TSGA10: variants seen among roughly 807,000 people sequenced by gnomAD.
TSGA10 encodes the protein testis specific 10.
TSGA10 carries 43 observed loss-of-function variants against 96.6 expected under a neutral mutation model. The ratio of observed to expected loss-of-function variants is 0.44; its 90% CI spans 0.35 to 0.57. The LOEUF is 0.57. Among genes scored for constraint, TSGA10 ranks in the 20% least tolerant of loss-of-function variants. The probability of loss-of-function intolerance (pLI) is 0.01; values close to 1 mark genes in which losing one functional copy is unlikely to be tolerated. For synonymous variants in TSGA10, 229 were observed against 269.9 expected, an observed-to-expected ratio of 0.85 and a Z score of 1.48; for missense variants, 703 against 834.4, an observed-to-expected ratio of 0.84 and a Z score of 1.94.
Position 99,154,729 on chromosome 2 carries a change from C to T in TSGA10, c.-657G>A, listed in dbSNP as rs2093730754. On this transcript the variant is annotated 5_prime_UTR_variant, in exon 1 of 21. The change creates a new upstream start codon in the 5' untranslated region. Coordinates refer to ENST00000393483, the MANE Select transcript of TSGA10 (RefSeq NM_025244.4). The stretch of plus-strand genomic sequence containing the variant: ...GCTGGCCGTTATCTCTGTGCTGTCA[C>T]GCGGGGAAGTCCCATCTGAACTGGG... The T allele has an allele frequency of 4.0e-6, 1 of 251,420 alleles. No individual in the cohort carries two copies. 15.6% of individuals were successfully genotyped at this position (251,420 alleles called of 1,614,324 possible). A position where few individuals can be genotyped will look rare whatever the true frequency, so the allele number is the denominator to read the frequency against.
intron 20 of TSGA10, 113 bp from the exon 21 acceptor site, chr2:98,998,334 ATTTC>A: frequency 5.9e-6 from 5 of 847,838 alleles, no homozygotes; most frequent in Non-Finnish European, 9.2e-6. Flanking sequence ...ATTTTTCTTC[ATTTC>A]TATGAAGGAA....
intron 20 of TSGA10, among the ~76,000 whole-genome samples, chr2:99,009,975 T>C (rs2078871589): frequency 6.6e-6 from 1 of 152,252 alleles, no homozygotes; most frequent in African/African-American, 2.4e-5. Context: ...ATGTTCTTTG[T>C]ATTCTTATTT....
At chr2:99,066,918 C>T (rs2085323699) in intron 15 of TSGA10, among the ~76,000 whole-genome samples, 1 of 152,184 alleles carries the variant, frequency 6.6e-6, no homozygotes, top group South Asian at 2.1e-4. Context: ...ATGGTTACAA[C>T]CTCTTCTAAC....
At chr2:99,131,484 T>C (rs970678174) in intron 1 of TSGA10, among the ~76,000 whole-genome samples, 2 of 152,346 alleles carry the variant, frequency 1.3e-5, no homozygotes, top group Admixed American at 6.5e-5. Context: ...TCCTGAGACT[T>C]TGCTGAAGTT....
At chr2:99,133,814 A>G (rs1004652251) in intron 1 of TSGA10, among the ~76,000 whole-genome samples, 2 of 152,210 alleles carry the variant, frequency 1.3e-5, no homozygotes, top group Non-Finnish European at 2.9e-5. Context: ...GCTTATCTGT[A>G]AAAGATTTTA....
chr2:99,122,806 AAG>A (rs1463423444), intron 2 of TSGA10, among the ~76,000 whole-genome samples: 1 of 151,786 alleles, frequency 6.6e-6, no homozygotes, highest in African/African-American at 2.4e-5. Flanking sequence ...AAAAAAAAGA[AAG>A]AAAGAAATTC....
In TSGA10 at chr2:99,108,885, T is replaced by C. The variant is rs1376579114; in HGVS notation, c.158A>G (p.Asn53Ser). Reference protein sequence around the residue: ...YERHLAEIQGNVKVLKSERDK... With the variant: ...YERHLAEIQGSVKVLKSERDK... ...TCTCTCAGATTTAAGAACCTTGACA[T>C]TACCCTGAATTTCTGCCAAATGGCG... is the stretch of plus-strand genomic sequence containing the variant. The change falls in exon 7 of 21, where the codon AAT becomes AGT. Residue 53 changes from asparagine (N) to serine (S), a missense_variant. Coordinates refer to ENST00000393483, the MANE Select transcript of TSGA10 (RefSeq NM_025244.4). 2.5e-6 allele frequency: 4 copies of C among 1,604,722 alleles called. No individual in the cohort carries two copies. Among genetic ancestry groups the C allele is most frequent in the Non-Finnish European group, 3.4e-6 (4 of 1,177,224 alleles).
chr2:99,035,393 T>C lies in TSGA10; in HGVS notation c.1451A>G (p.His484Arg). 1 of 1,612,798 alleles carries C rather than the reference T, an allele frequency of 6.2e-7. No homozygotes were observed. Among genetic ancestry groups the C allele is most frequent in the African/African-American group, 1.3e-5 (1 of 75,010 alleles). Residue 484 changes from histidine to arginine, a missense_variant, in exon 17 of 21, where the codon CAT becomes CGT. His to Arg is a conservative substitution (Grantham distance 29). Around this residue, in one of 3 missense-constraint regions of TSGA10, gnomAD observed 585 missense variants for 656.8 expected, o/e 0.89. Coordinates refer to ENST00000393483, the MANE Select transcript of TSGA10 (RefSeq NM_025244.4). ...RSYKSQISTL[H>R]KSVVKMEEEL... ...CTCTTCCATTTTTACAACAGATTTA[T>C]GTAAGGTAGAAATCTGGGACTTGTA...
chr2:99,134,255 A>G (rs1461664305), intron 1 of TSGA10, among the ~76,000 whole-genome samples: 1 of 151,850 alleles, frequency 6.6e-6, no homozygotes, highest in African/African-American at 2.4e-5. Context: ...ATAGTCCCAT[A>G]TTTCTTGGAG....
At chr2:99,009,724 G>T (rs1231809759) in intron 20 of TSGA10, among the ~76,000 whole-genome samples, 2 of 152,182 alleles carry the variant, frequency 1.3e-5, no homozygotes, top group African/African-American at 2.4e-5. Flanking sequence ...TTGAGCCAAG[G>T]TTCTCACTGT....
chr2:99,035,275 T>G lies in TSGA10; in HGVS notation c.1569A>C (p.Glu523Asp), dbSNP rs747012861. 8.7e-6 allele frequency: 14 copies of G among 1,612,208 alleles called. No individual in the cohort carries two copies. The highest frequency in any genetic ancestry group is 1.7e-4 in the Middle Eastern group (1 of 6,050). Residue 523 changes from glutamate to aspartate, a missense_variant, in exon 17 of 21, where the codon GAA (glutamate) becomes GAC (aspartate). By Grantham distance (45) the Glu-to-Asp change is conservative (BLOSUM62 2). This residue lies in a region of TSGA10 where 585 missense variants were observed against 656.8 expected (regional missense o/e 0.89). Coordinates refer to ENST00000393483, the MANE Select transcript of TSGA10 (RefSeq NM_025244.4). ...TAGCAACCAGCTGTCGATTAAGAAGTTCTTTGCTTGAGTCAAGTTTAATAC... is the reference window on the plus strand; with the variant it reads ...TAGCAACCAGCTGTCGATTAAGAAGGTCTTTGCTTGAGTCAAGTTTAATAC... The part of the protein sequence containing the change: ...ELCIKLDSSK[E>D]LLNRQLVAKD...
chr2:99,128,491 T>A (rs2092933990), intron 1 of TSGA10, among the ~76,000 whole-genome samples: 1 of 152,240 alleles, frequency 6.6e-6, no homozygotes, highest in South Asian at 2.1e-4. Context: ...TTACTGAATT[T>A]AAGAATCATC....
chr2:99,117,911 G>C (rs2092361643), intron 3 of TSGA10, among the ~76,000 whole-genome samples, 152 bp from the exon 4 acceptor site: 1 of 152,092 alleles, frequency 6.6e-6, no homozygotes, highest in South Asian at 2.1e-4. Flanking sequence ...TTTGTACCAT[G>C]TGAATGTATT....
At chr2:99,107,109 A>G (rs565681290) in intron 7 of TSGA10, among the ~76,000 whole-genome samples, 1 of 152,258 alleles carries the variant, frequency 6.6e-6, no homozygotes, top group South Asian at 2.1e-4. Flanking sequence ...TTATTTTATT[A>G]CCACATTGCT....
chr2:99,129,912 T>C (rs1399835783), intron 1 of TSGA10, among the ~76,000 whole-genome samples: 5 of 152,152 alleles, frequency 3.3e-5, no homozygotes, highest in Non-Finnish European at 5.9e-5. Flanking sequence ...CTTGTGTTAG[T>C]TTGCTGAGAA....
chr2:99,092,009 T>A (rs571175492), intron 10 of TSGA10, among the ~76,000 whole-genome samples: 1 of 152,262 alleles, frequency 6.6e-6, no homozygotes, highest in African/African-American at 2.4e-5. Context: ...TGGAATGTTC[T>A]TCAAGATAGA....
At chr2:99,028,615 C>T (rs1460851841) in intron 17 of TSGA10, among the ~76,000 whole-genome samples, 1 of 152,008 alleles carries the variant, frequency 6.6e-6, no homozygotes, top group Non-Finnish European at 1.5e-5. Flanking sequence ...CCCTTCTTCC[C>T]CTACTCCCCT....
At chr2:99,123,975 A>G (rs2092704785) in intron 2 of TSGA10, among the ~76,000 whole-genome samples, 2 of 152,090 alleles carry the variant, frequency 1.3e-5, no homozygotes, top group South Asian at 2.1e-4. Context: ...CGTGTTTTCA[A>G]CTCTTTAGGA....
intron 16 of TSGA10, among the ~76,000 whole-genome samples, chr2:99,060,205 C>A (rs2084528670): frequency 6.6e-6 from 1 of 152,012 alleles, no homozygotes; most frequent in Non-Finnish European, 1.5e-5. Flanking sequence ...TGAATTTAAA[C>A]AATGTTACAG....
Sources: gnomAD v4.1 joint callset for allele counts (sites outside exome capture counted in the v4.1 genomes callset) on GRCh38, gnomAD v4.1.1 for gene constraint, gnomAD v4.1.1 regional missense constraint, MANE v1.5 for transcripts, NCBI Gene and HGNC (gene_info 2026-07-23, HGNC 2026-07-21) for gene names.